The following SENP7 variants were observed in gnomAD, a reference collection of about 807,000 sequenced individuals.
SENP7 encodes SUMO specific peptidase 7.
A neutral mutation model predicts 141.2 loss-of-function variants in SENP7; 64 were observed. The ratio of observed to expected loss-of-function variants is 0.45; its 90% CI spans 0.37 to 0.56. SENP7 has a LOEUF of 0.56. Ranked by LOEUF, SENP7 falls within the 20% of genes least tolerant of loss-of-function variation. The pLI, the probability that SENP7 is intolerant of heterozygous loss-of-function variation, is 0.00. For missense variants in SENP7, 1,025 were observed against 1,212.2 expected (o/e 0.85, Z 2.29); for synonymous variants, 382 against 426.4 (o/e 0.90, Z 1.28).
rs538307624 is a variant in SENP7, at chr3:101,502,522, C to T, written c.41-1403G>A. On this transcript the variant is annotated intron_variant, in intron 1 of 23. Transcript: ENST00000394095. ...TCTCCATGTTGGTCAGGCTGGTCTC[C>T]TGACCTCAGGTGATCCACCCACCTC... 1.6e-4 allele frequency among the ~76,000 whole-genome samples: 24 copies of T among 152,212 alleles called. No individual in the cohort carries two copies. In the South Asian group the frequency reaches 5.0e-3, roughly 32 times the overall value.
chr3:101,348,147 TA>T (rs75595189), intron 12 of SENP7, 96 bp from the exon 13 acceptor site: 68 of 756,586 alleles, frequency 9.0e-5, no homozygotes, highest in South Asian at 1.5e-4. Flanking sequence ...CTACTTTTTT[TA>T]AAAAAAAGAG....
intron 3 of SENP7, among the ~76,000 whole-genome samples, chr3:101,475,931 C>A (rs1178836153): frequency 6.6e-6 from 1 of 152,054 alleles, no homozygotes; most frequent in Non-Finnish European, 1.5e-5. Context: ...CCACTTTCAA[C>A]ATGCAGAAGG....
intron 10 of SENP7, 145 bp from the exon 11 acceptor site, chr3:101,362,006 C>A: frequency 1.1e-6 from 1 of 890,730 alleles, no homozygotes; most frequent in Non-Finnish European, 1.6e-6. Context: ...GAAGAAATAG[C>A]TATCTAGATT....
chr3:101,399,102 T>C, intron 5 of SENP7, 47 bp from the exon 6 acceptor site: 1 of 1,199,264 alleles, frequency 8.3e-7, no homozygotes, highest in Admixed American at 2.8e-5. Flanking sequence ...AGTTTTCAGT[T>C]AAAAAAAAAT....
intron 4 of SENP7, among the ~76,000 whole-genome samples, chr3:101,433,951 T>C (rs903283836): frequency 6.9e-6 from 1 of 145,798 alleles, no homozygotes; most frequent in African/African-American, 2.6e-5. Flanking sequence ...TACACATTTA[T>C]AGGCCATTTC....
At chr3:101,393,856 C>G (rs2107554799) in intron 6 of SENP7, among the ~76,000 whole-genome samples, 1 of 152,258 alleles carries the variant, frequency 6.6e-6, no homozygotes, top group Middle Eastern at 3.4e-3. Context: ...TATAACAACT[C>G]ATTCTCACGG....
intron 4 of SENP7, among the ~76,000 whole-genome samples, chr3:101,431,061 C>A (rs1186049570): frequency 6.6e-6 from 1 of 152,178 alleles, no homozygotes; most frequent in Non-Finnish European, 1.5e-5. Flanking sequence ...GTTGTGATTT[C>A]TGTTCTTTTA....
chr3:101,437,530 A>T (rs1407595890), intron 4 of SENP7, among the ~76,000 whole-genome samples: 2 of 152,116 alleles, frequency 1.3e-5, no homozygotes, highest in African/African-American at 4.8e-5. Context: ...TTTTTAAATG[A>T]TTTTAAATTT....
chr3:101,376,666 G>A (rs2060342229), intron 6 of SENP7, among the ~76,000 whole-genome samples: 1 of 152,084 alleles, frequency 6.6e-6, no homozygotes, highest in African/African-American at 2.4e-5. Context: ...GATAGCATTA[G>A]GAGATACACC....
Position 101,364,960 on chromosome 3 carries a change from A to C in SENP7, c.1350T>G (p.Val450=). The C allele has an allele frequency of 6.3e-7, 1 of 1,582,206 alleles. No homozygotes were observed. Among genetic ancestry groups the C allele is most frequent in the Non-Finnish European group, 8.6e-7 (1 of 1,165,824 alleles). Residue 450 remains valine, a synonymous_variant, in exon 10 of 24, where the codon GTT becomes GTG. Coordinates refer to ENST00000394095, the MANE Select transcript of SENP7 (RefSeq NM_020654.5). ...TAAGAATTTCTGAACTTTTATGTTC[A>C]ACAGGTCCTTCTTCATCACTGGAAA... The part of the protein sequence containing the change: ...IVVSSDEEGP[V]EHKSSEILKL...
chr3:101,341,815 T>C, intron 14 of SENP7, 36 bp from the exon 15 acceptor site: 1 of 1,530,286 alleles, frequency 6.5e-7, no homozygotes, highest in Non-Finnish European at 8.9e-7. Flanking sequence ...GTCTCAAACA[T>C]CATAACTTTC....
intron 4 of SENP7, 136 bp from the exon 5 acceptor site, chr3:101,417,926 A>G (rs1053933080): frequency 1.6e-6 from 1 of 639,498 alleles, no homozygotes; most frequent in Non-Finnish European, 2.6e-6. Context: ...AAGAAAAAAG[A>G]AAAAATGCCT....
intron 6 of SENP7, among the ~76,000 whole-genome samples, chr3:101,375,592 G>A (rs1342632402): frequency 9.0e-5 from 12 of 132,720 alleles, no homozygotes; most frequent in South Asian, 2.5e-4. Context: ...TAATCACAAA[G>A]TTACCAAGCA....
In SENP7 at chr3:101,347,488, T is replaced by C. The variant is rs569465498; in HGVS notation, c.1837+384A>G. The C allele has an allele frequency of 9.4e-3, 1,441 of 152,626 alleles. 27 individuals are homozygous for C. The highest frequency in any genetic ancestry group is 0.033 in the African/African-American group (1,359 of 41,512). The allele number at this position is 152,626 out of a possible 1,614,324, so 9.5% of individuals were successfully genotyped here. On this transcript the variant is annotated intron_variant, in intron 13 of 23. Coordinates refer to ENST00000394095, the MANE Select transcript of SENP7 (RefSeq NM_020654.5). ...CTGTAATCCCAGCACTTTGGGAGGC[T>C]GAGGCGGGCGGATCACAAGGTCAGG...
Position 101,341,653 on chromosome 3 carries a change from C to T in SENP7, c.2233G>A (p.Val745Ile). The T allele has an allele frequency of 6.2e-7, 1 of 1,600,566 alleles. No homozygotes were observed. The highest frequency in any genetic ancestry group is 8.5e-7 in the Non-Finnish European group (1 of 1,170,472). Residue 745 changes from valine (V) to isoleucine (I), a missense_variant, in exon 15 of 24, where the codon GTT becomes ATT. This residue lies in a region of SENP7 where 295 missense variants were observed against 459.1 expected (regional missense o/e 0.64). Coordinates refer to ENST00000394095, the MANE Select transcript of SENP7 (RefSeq NM_020654.5). ...EWREVRHTGLVQKLIVYPPPP... is the reference protein window; with the variant it reads ...EWREVRHTGLIQKLIVYPPPP... Reference sequence around the variant, plus strand: ...TGCTATGACAGTACATACTTCTGAACAAGTCCAGTGTGCCTGACTTCTCGC... The same window carrying T: ...TGCTATGACAGTACATACTTCTGAATAAGTCCAGTGTGCCTGACTTCTCGC...
intron 5 of SENP7, among the ~76,000 whole-genome samples, chr3:101,405,822 GA>G (rs1377621824): frequency 6.6e-6 from 1 of 152,130 alleles, no homozygotes; most frequent in Non-Finnish European, 1.5e-5. Flanking sequence ...ACAAGTGGAA[GA>G]AAGAAATTCA....
At chr3:101,336,017 C>A (rs536653374) in intron 17 of SENP7, among the ~76,000 whole-genome samples, 46 of 152,268 alleles carry the variant, frequency 3.0e-4, no homozygotes, top group African/African-American at 9.1e-4. Flanking sequence ...GTCTAGTGTA[C>A]CCACTAAGAC....
rs113786098 is a variant in SENP7 at position 101,398,730 on chromosome 3, G to A, written c.677+131C>T. On this transcript the variant is annotated intron_variant, in intron 6 of 23. Coordinates refer to ENST00000394095, the MANE Select transcript of SENP7 (RefSeq NM_020654.5). ...TCCAATAGCCATTCCAGCCACCCGG[G>A]GAGAAAAATAATACCAGCTATCAGA... 3,876 of 656,198 alleles carry A rather than the reference G, an allele frequency of 5.9e-3. 17 individuals are homozygous for A. Among genetic ancestry groups the A allele is most frequent in the Middle Eastern group, 0.019 (44 of 2,280 alleles). The allele number at this position is 656,198 out of a possible 1,614,324, so 40.6% of individuals were successfully genotyped here.
intron 4 of SENP7, among the ~76,000 whole-genome samples, chr3:101,442,413 T>C (rs2062713106): frequency 6.6e-6 from 1 of 152,118 alleles, no homozygotes; most frequent in African/African-American, 2.4e-5. Context: ...GTCGCCTGCA[T>C]GCACAGTTCA....
Sources: gnomAD v4.1 joint callset for allele counts (sites outside exome capture counted in the v4.1 genomes callset) on GRCh38, gnomAD v4.1.1 for gene constraint, gnomAD v4.1.1 regional missense constraint, MANE v1.5 for transcripts, NCBI Gene and HGNC (gene_info 2026-07-23, HGNC 2026-07-21) for gene names.